Variants in MAP4 observed in about 807,000 individuals in gnomAD.
The protein encoded by MAP4 is microtubule-associated protein 4.
A neutral mutation model predicts 170.2 loss-of-function variants in MAP4; 76 were observed. The ratio of observed to expected loss-of-function variants is 0.45; its 90% CI spans 0.37 to 0.54. The LOEUF (loss-of-function observed/expected upper bound fraction) is 0.54, where lower values mean the gene tolerates loss of function less well. Among genes scored for constraint, MAP4 ranks in the 20% least tolerant of loss-of-function variants. The pLI, the probability that MAP4 is intolerant of heterozygous loss-of-function variation, is 0.00. For missense variants in MAP4, 2,506 were observed against 2,748.0 expected (o/e 0.91, Z 1.97); for synonymous variants, 909 against 994.5 (o/e 0.91, Z 1.62).
At chr3:47,982,983 T>C (rs1407315934) in intron 2 of MAP4, among the ~76,000 whole-genome samples, 3 of 152,134 alleles carry the variant, frequency 2.0e-5, no homozygotes, top group Non-Finnish European at 4.4e-5. Context: ...CTGCAACCTC[T>C]GTCTCCCGGG....
At chr3:47,862,346 CAAAAAAAAAAAAA>C (rs57751818) in intron 17 of MAP4, among the ~76,000 whole-genome samples, 2 of 52,356 alleles carry the variant, frequency 3.8e-5, no homozygotes, top group African/African-American at 5.4e-5. Flanking sequence ...GACTGTGTCT[CAAAAAAAAAAAAA>C]AAAAAAAAAA....
chr3:47,973,696 TAGAC>T (rs2100080200), intron 3 of MAP4: 2 of 985,266 alleles, frequency 2.0e-6, no homozygotes, highest in Admixed American at 6.1e-5. Flanking sequence ...ACCCATAACT[TAGAC>T]AGCTACAGGG....
At chr3:48,084,825 T>TG (rs2100148301) in intron 1 of MAP4, among the ~76,000 whole-genome samples, 1 of 151,522 alleles carries the variant, frequency 6.6e-6, no homozygotes, top group South Asian at 2.1e-4. Flanking sequence ...TTTTTTTTAA[T>TG]GGAGACAGGG....
At chr3:47,880,630 T>C (rs2096565260) in intron 10 of MAP4, among the ~76,000 whole-genome samples, 1 of 152,038 alleles carries the variant, frequency 6.6e-6, no homozygotes, top group Non-Finnish European at 1.5e-5. Flanking sequence ...CATACCTGAA[T>C]AATTTACAAA....
chr3:48,084,295 G>C (rs1431212194), intron 1 of MAP4, among the ~76,000 whole-genome samples: 1 of 150,966 alleles, frequency 6.6e-6, no homozygotes, highest in African/African-American at 2.4e-5. Flanking sequence ...CTACTGGGGA[G>C]GCTGAGGCAG....
At chr3:48,088,622 C>T (rs1022230870) in intron 1 of MAP4, among the ~76,000 whole-genome samples, 2 of 152,172 alleles carry the variant, frequency 1.3e-5, no homozygotes, top group Non-Finnish European at 2.9e-5. Context: ...CCCTCGGACG[C>T]CCCCGCGTCT....
rs1559424531 is a variant in MAP4, at chr3:47,911,377, TC to T, written c.3043del (p.Glu1015AsnfsTer2). ...EFPEGAEEDK[E>X]LKKEAFPNER... ...GTTGGGAAAAGCTTCCTTTTTTAGT[TC>T]TTTATCCTCTTCAGCTCCTTCAGGA... On this transcript the variant is annotated frameshift_variant, in exon 9 of 21. Coordinates refer to ENST00000683076, the MANE Select transcript of MAP4 (RefSeq NM_001385682.1). LOFTEE classifies it high-confidence loss of function. This position sits in a 1 kb window ranked among gnomAD's most constrained non-coding sequence, Gnocchi z 4.0. 1 of 1,536,112 alleles carries T rather than the reference TC, an allele frequency of 6.5e-7. No individual in the cohort carries two copies. The highest frequency in any genetic ancestry group is 2.0e-5 in the Admixed American group (1 of 50,982).
At chr3:48,039,759 A>G (rs116519512) in intron 1 of MAP4, among the ~76,000 whole-genome samples, 335 of 152,358 alleles carry the variant, frequency 2.2e-3, no homozygotes, top group African/African-American at 7.8e-3. Flanking sequence ...TTAATCTCAA[A>G]AGTCATAGCT....
At chr3:47,891,000 T>C (rs1367257478) in intron 10 of MAP4, 1 of 1,452,308 alleles carries the variant, frequency 6.9e-7, no homozygotes. Context: ...TTGTTCCCAA[T>C]GGAGGCAAAA....
chr3:47,950,962 C>T (rs143658711), intron 3 of MAP4, among the ~76,000 whole-genome samples: 1 of 152,206 alleles, frequency 6.6e-6, no homozygotes, highest in Non-Finnish European at 1.5e-5. Context: ...GTGTTAATAC[C>T]AAATAGCAAG....
At chr3:47,948,554 G>T (rs964467311) in intron 3 of MAP4, among the ~76,000 whole-genome samples, 2 of 151,936 alleles carry the variant, frequency 1.3e-5, no homozygotes, top group East Asian at 1.9e-4. Flanking sequence ...ATAGAAAGGG[G>T]TGTTAACAGT....
intron 1 of MAP4, among the ~76,000 whole-genome samples, chr3:48,014,770 G>A (rs1001312846): frequency 2.6e-5 from 4 of 152,028 alleles, no homozygotes; most frequent in African/African-American, 7.2e-5. Flanking sequence ...AATTTCTACC[G>A]ACATTCATTT....
At position 48,028,548 on chromosome 3, in the gene MAP4, G is replaced by A. The variant is rs563572858; in HGVS notation, c.-19-29669C>T. Among the ~76,000 whole-genome samples, 5 of 152,090 alleles carry A rather than the reference G, an allele frequency of 3.3e-5. No individual in the cohort carries two copies. The South Asian group carries it at 1.0e-3, about 32-fold the overall frequency. The stretch of plus-strand genomic sequence containing the variant: ...CCAGCACTTTGGGAGGGTGAGGCAG[G>A]TGGATCACAAGGTCAGGAGTTCCAG... On this transcript the variant is annotated intron_variant, in intron 1 of 18. Coordinates refer to the MAP4 transcript ENST00000360240.
At chr3:48,011,344 C>T (rs2154432581) in intron 1 of MAP4, among the ~76,000 whole-genome samples, 1 of 152,232 alleles carries the variant, frequency 6.6e-6, no homozygotes, top group Admixed American at 6.5e-5. Flanking sequence ...GCCTGGCCAA[C>T]ACAGTAAAAC....
chr3:47,954,391 G>C (rs2100066425), intron 3 of MAP4, among the ~76,000 whole-genome samples: 1 of 152,124 alleles, frequency 6.6e-6, no homozygotes, highest in Admixed American at 6.5e-5. Flanking sequence ...TGGCCCACCA[G>C]GATCTTTGGC....
At chr3:47,952,409 G>C (rs1248768583) in intron 3 of MAP4, among the ~76,000 whole-genome samples, 1 of 152,168 alleles carries the variant, frequency 6.6e-6, no homozygotes, top group African/African-American at 2.4e-5. Flanking sequence ...CATTGAGAAC[G>C]GGCCATGATG....
At chr3:47,867,149 C>A in intron 17 of MAP4, 97 bp downstream of exon 17, 1 of 821,218 alleles carries the variant, frequency 1.2e-6, no homozygotes, top group Non-Finnish European at 2.0e-6. Context: ...CAGCTCAGGT[C>A]ACTGGGATTC....
chr3:48,015,302 T>C (rs1188059135), intron 1 of MAP4, among the ~76,000 whole-genome samples: 1 of 152,030 alleles, frequency 6.6e-6, no homozygotes, highest in African/African-American at 2.4e-5. Flanking sequence ...GGGGCGGTTA[T>C]GGACAAGACA....
chr3:47,907,870 GA>G (rs1298397818), intron 9 of MAP4, among the ~76,000 whole-genome samples: 1 of 152,162 alleles, frequency 6.6e-6, no homozygotes, highest in African/African-American at 2.4e-5. Context: ...GAGAAGATGA[GA>G]ATGTCTTATG....
Sources: allele counts gnomAD v4.1 joint callset (sites outside exome capture counted in the v4.1 genomes callset), GRCh38; gene constraint gnomAD v4.1.1; non-coding constraint Gnocchi (gnomAD v3.1); transcripts MANE v1.5; gene names NCBI Gene and HGNC (gene_info 2026-07-23, HGNC 2026-07-21).